ASB15: variants seen among roughly 807,000 people sequenced by gnomAD.
The protein encoded by ASB15 is ankyrin repeat and SOCS box containing 15, also known as ankyrin repeat and SOCS box protein 15.
In ASB15, 54 loss-of-function variants were observed where a neutral mutation model predicts 58.0. The ratio of observed to expected loss-of-function variants is 0.93; its 90% CI spans 0.75 to 1.17. ASB15 has a LOEUF of 1.17. Among genes scored for constraint, ASB15 ranks in the 50% most tolerant of loss-of-function variants. The pLI, the probability that ASB15 is intolerant of heterozygous loss-of-function variation, is 0.00. For synonymous variants in ASB15, 249 were observed against 262.4 expected, an observed-to-expected ratio of 0.95 and a Z score of 0.50; for missense variants, 680 against 707.4, an observed-to-expected ratio of 0.96 and a Z score of 0.44.
chr7:123,633,611 CTGAG>C (rs1050612476), intron 11 of ASB15, among the ~76,000 whole-genome samples: 2 of 135,780 alleles, frequency 1.5e-5, no homozygotes, highest in Non-Finnish European at 3.1e-5. Context: ...GTGGATTATG[CTGAG>C]TGTGTGTGTG....
intron 1 of ASB15, among the ~76,000 whole-genome samples, chr7:123,602,601 T>C (rs1468525029): frequency 6.6e-6 from 1 of 152,192 alleles, no homozygotes; most frequent in Admixed American, 6.5e-5. Flanking sequence ...GTGCTGAGAT[T>C]ATTAATTTAT....
chr7:123,629,268 C>G lies in ASB15; in HGVS notation c.1274C>G (p.Ala425Gly). ...DTRFPSVIQY[A>G]LNDEVMLRLL... The stretch of plus-strand genomic sequence containing the variant: ...CGTTTCCCCAGTGTCATTCAATATG[C>G]TCTAAACGACGAGGTAATGCTGAGG... The change falls in exon 10 of 12, where the codon GCT becomes GGT. Residue 425 changes from alanine (A) to glycine (G), a missense_variant. Transcript: ENST00000451215. 1.5e-5 allele frequency: 24 copies of G among 1,614,106 alleles called. No individual in the cohort carries two copies. Among genetic ancestry groups the G allele is most frequent in the Non-Finnish European group, 2.0e-5 (24 of 1,179,982 alleles).
intron 1 of ASB15, among the ~76,000 whole-genome samples, chr7:123,585,856 C>T (rs375058942): frequency 4.6e-5 from 7 of 151,906 alleles, no homozygotes; most frequent in African/African-American, 1.7e-4. Flanking sequence ...TAGCTTATTT[C>T]ACCTACTATA....
upstream of ASB15, among the ~76,000 whole-genome samples, chr7:123,599,673 C>T (rs1799809903): frequency 6.6e-6 from 1 of 152,228 alleles, no homozygotes; most frequent in African/African-American, 2.4e-5. Context: ...GTTCTTCTAA[C>T]ACCGTGCTTC....
At chr7:123,595,159 T>C (rs1189964971) in intron 1 of ASB15, among the ~76,000 whole-genome samples, 1 of 152,212 alleles carries the variant, frequency 6.6e-6, no homozygotes, top group Non-Finnish European at 1.5e-5. Flanking sequence ...ACACTTGCCC[T>C]AAATGACACT....
In ASB15 at chr7:123,638,306, T is replaced by C. The variant is rs1802521608; in HGVS notation, c.*1325T>C. 2.0e-5 allele frequency: 3 copies of C among 152,224 alleles called. No individual in the cohort carries two copies. Among genetic ancestry groups the C allele is most frequent in the Admixed American group, 2.0e-4 (3 of 15,276 alleles). 9.4% of individuals were successfully genotyped at this position (152,224 alleles called of 1,614,324 possible). On this transcript the variant is annotated 3_prime_UTR_variant, in exon 12 of 12. Coordinates refer to ENST00000451215, the MANE Select transcript of ASB15 (RefSeq NM_001290258.2). ...TCATGATCTAACTCCTGCCTTCTTC[T>C]TTAGCCTCATCTCTGGATGTCTACC...
chr7:123,613,046 C>T (rs1029111446), intron 3 of ASB15, among the ~76,000 whole-genome samples: 5 of 151,782 alleles, frequency 3.3e-5, no homozygotes, highest in African/African-American at 4.8e-5. Context: ...GTGACTATCT[C>T]GTGTGTGGTC....
intron 2 of ASB15, among the ~76,000 whole-genome samples, chr7:123,607,876 TA>T (rs1800227506): frequency 6.6e-6 from 1 of 152,208 alleles, no homozygotes. Flanking sequence ...CGTCTACTAA[TA>T]AGTTGTCTTT....
At chr7:123,587,939 A>G (rs1799421005) in intron 1 of ASB15, among the ~76,000 whole-genome samples, 1 of 151,740 alleles carries the variant, frequency 6.6e-6, no homozygotes, top group Non-Finnish European at 1.5e-5. Context: ...TTGGTTTACT[A>G]GTATTTTGTT....
chr7:123,572,842 T>G (rs927439206), intron 1 of ASB15, among the ~76,000 whole-genome samples: 2 of 152,128 alleles, frequency 1.3e-5, no homozygotes, highest in Admixed American at 6.5e-5. Flanking sequence ...CTTTTAAATT[T>G]ATTATGCTTC....
At chr7:123,618,829 A>T (rs1191840719) in intron 7 of ASB15, among the ~76,000 whole-genome samples, 1 of 151,990 alleles carries the variant, frequency 6.6e-6, no homozygotes, top group Non-Finnish European at 1.5e-5. Flanking sequence ...CATCAGTAAA[A>T]TATTTGTATT....
Position 123,629,416 on chromosome 7 carries a change from T to C in ASB15, c.1422T>C (p.Cys474=), listed in dbSNP as rs1223003489. The C allele has an allele frequency of 6.2e-7, 1 of 1,609,256 alleles. No individual in the cohort carries two copies. Among genetic ancestry groups the C allele is most frequent in the Admixed American group, 1.7e-5 (1 of 59,940 alleles). ...AGGTGCTGCCAGGATGGACATCTTGTGTAATAAAAGATAACCCGGTGAGTT... is the reference window on the plus strand; with the variant it reads ...AGGTGCTGCCAGGATGGACATCTTGCGTAATAAAAGATAACCCGGTGAGTT... ...QEEVLPGWTS[C]VIKDNPFCEF... Residue 474 remains cysteine, a synonymous_variant, in exon 10 of 12, where the codon TGT becomes TGC. Coordinates refer to ENST00000451215, the MANE Select transcript of ASB15 (RefSeq NM_001290258.2).
At chr7:123,569,138 C>CT (rs931891402) in intron 1 of ASB15, among the ~76,000 whole-genome samples, 1 of 152,094 alleles carries the variant, frequency 6.6e-6, no homozygotes, top group African/African-American at 2.4e-5. Context: ...TTCTGGGGAC[C>CT]TGTCAGTAAA....
chr7:123,601,501 A>C (rs557390100), upstream of ASB15, among the ~76,000 whole-genome samples: 2 of 152,322 alleles, frequency 1.3e-5, no homozygotes, highest in South Asian at 4.1e-4. Flanking sequence ...AAAGTGGATT[A>C]GGCTCTGACA....
rs527846340 is a variant in ASB15 at position 123,591,155 on chromosome 7, C to CTGAGACTTTGCTGAAGT, written c.-442-12874_-442-12858dup. Among the ~76,000 whole-genome samples, 926 of 152,202 alleles carry CTGAGACTTTGCTGAAGT rather than the reference C, an allele frequency of 6.1e-3. 7 individuals carry two copies. The highest frequency in any genetic ancestry group is 0.021 in the African/African-American group (886 of 41,538). On this transcript the variant is annotated intron_variant, in intron 1 of 13. Coordinates refer to the ASB15 transcript ENST00000451558. Reference sequence around the variant, plus strand: ...GATTTTTGCAAATTGATTTTGTATCCTGAGACTTTGCTGAAGTTGCTTATC... The same window carrying CTGAGACTTTGCTGAAGT: ...GATTTTTGCAAATTGATTTTGTATCCTGAGACTTTGCTGAAGTTGAGACTTTGCTGAAGTTGCTTATC...
intron 7 of ASB15, among the ~76,000 whole-genome samples, chr7:123,620,524 A>T (rs1562933141): frequency 8.4e-5 from 1 of 11,928 alleles, no homozygotes. Flanking sequence ...ATATATATAT[A>T]TATATATATA....
At chr7:123,572,276 G>A (rs1311469071) in intron 1 of ASB15, among the ~76,000 whole-genome samples, 1 of 151,144 alleles carries the variant, frequency 6.6e-6, no homozygotes, top group African/African-American at 2.4e-5. Flanking sequence ...TACGTAGCTG[G>A]GACTGTAGGC....
chr7:123,581,824 C>T (rs750412080), intron 1 of ASB15, among the ~76,000 whole-genome samples: 4 of 151,922 alleles, frequency 2.6e-5, no homozygotes, highest in African/African-American at 9.7e-5. Flanking sequence ...ACTCCCAAGA[C>T]TGTCAAGTTT....
In ASB15 at chr7:123,637,120, T is replaced by G. The variant is rs544388480; in HGVS notation, c.*139T>G. The G allele has an allele frequency of 5.3e-6, 3 of 569,960 alleles. No individual in the cohort carries two copies. The African/African-American group carries it at 5.8e-5, about 11-fold the overall frequency. 35.3% of individuals were successfully genotyped at this position (569,960 alleles called of 1,614,324 possible). A position where few individuals can be genotyped will look rare whatever the true frequency, so the allele number is the denominator to read the frequency against. On this transcript the variant is annotated 3_prime_UTR_variant, in exon 12 of 12. Coordinates refer to ENST00000451215, the MANE Select transcript of ASB15 (RefSeq NM_001290258.2). ...TTTTATAGGTTATCATGTGTTCTTA[T>G]GGGAACACCATGATTTATGTCTTTA...
Sources: allele counts gnomAD v4.1 joint callset (sites outside exome capture counted in the v4.1 genomes callset), GRCh38; gene constraint gnomAD v4.1.1; transcripts MANE v1.5; gene names NCBI Gene and HGNC (gene_info 2026-07-23, HGNC 2026-07-21).